DNAI4: variants seen among roughly 807,000 people sequenced by gnomAD.
DNAI4 encodes WD repeat domain 78.
In DNAI4, 85 loss-of-function variants were observed where a neutral mutation model predicts 105.8. That is an observed-to-expected ratio of 0.80 (90% confidence interval 0.67 to 0.96). The LOEUF is 0.96. Ranked by LOEUF, DNAI4 falls within the 40% of genes least tolerant of loss-of-function variation. The pLI is 0.00. For missense variants in DNAI4, 1,014 were observed against 1,005.6 expected, an observed-to-expected ratio of 1.01 and a Z score of -0.11; for synonymous variants, 352 against 331.5, an observed-to-expected ratio of 1.06 and a Z score of -0.67.
chr1:66,887,428 C>A (rs1647249438), intron 4 of DNAI4, among the ~76,000 whole-genome samples: 1 of 152,098 alleles, frequency 6.6e-6, no homozygotes, highest in Non-Finnish European at 1.5e-5. Context: ...CATGTAAGAA[C>A]AGAAACTGGA....
At chr1:66,834,258 T>C in intron 11 of DNAI4, 110 bp from the exon 12 acceptor site, 1 of 773,258 alleles carries the variant, frequency 1.3e-6, no homozygotes, top group Non-Finnish European at 1.9e-6. Context: ...CCTATTTATA[T>C]AATCCTTTTA....
chr1:66,891,417 G>T, intron 3 of DNAI4, 151 bp from the exon 4 acceptor site: 11 of 550,256 alleles, frequency 2.0e-5, no homozygotes, highest in Admixed American at 7.2e-5. Context: ...ATAATGAGTT[G>T]GTTTTTAATA....
intron 7 of DNAI4, among the ~76,000 whole-genome samples, chr1:66,851,695 A>G (rs1459754844): frequency 6.6e-6 from 1 of 152,128 alleles, no homozygotes; most frequent in South Asian, 2.1e-4. Context: ...TCTGTGTCAA[A>G]GAGGAAGTCT....
chr1:66,846,531 G>GACT (rs1646279143), intron 8 of DNAI4, among the ~76,000 whole-genome samples: 2 of 152,116 alleles, frequency 1.3e-5, no homozygotes, highest in Non-Finnish European at 1.5e-5. Context: ...TTCTATTTGA[G>GACT]GATTACCAGA....
chr1:66,869,618 G>T (rs1194691333), intron 6 of DNAI4, among the ~76,000 whole-genome samples: 1 of 151,938 alleles, frequency 6.6e-6, no homozygotes, highest in African/African-American at 2.4e-5. Context: ...CACTTTTCTG[G>T]GTCCATCCAA....
intron 10 of DNAI4, among the ~76,000 whole-genome samples, chr1:66,836,983 T>A (rs1646038949): frequency 6.6e-6 from 1 of 152,224 alleles, no homozygotes; most frequent in Admixed American, 6.5e-5. Flanking sequence ...AGTAAGAAGG[T>A]CAGATAAATC....
At chr1:66,904,266 G>T (rs1649070371) in intron 2 of DNAI4, among the ~76,000 whole-genome samples, 1 of 151,966 alleles carries the variant, frequency 6.6e-6, no homozygotes, top group African/African-American at 2.4e-5. Context: ...TGATATAGTA[G>T]GTATATTTTA....
intron 1 of DNAI4, among the ~76,000 whole-genome samples, chr1:66,913,783 C>T (rs1426760203): frequency 6.6e-6 from 1 of 151,950 alleles, no homozygotes; most frequent in Non-Finnish European, 1.5e-5. Context: ...GAAATCGAGA[C>T]CATCCTGGCT....
intron 7 of DNAI4, among the ~76,000 whole-genome samples, chr1:66,854,387 T>A (rs1416415271): frequency 1.3e-5 from 2 of 151,830 alleles, no homozygotes; most frequent in Non-Finnish European, 2.9e-5. Flanking sequence ...CAAGACCCTA[T>A]CTCAAAACAA....
At chr1:66,862,508 T>C (rs1646649633) in intron 6 of DNAI4, among the ~76,000 whole-genome samples, 1 of 152,104 alleles carries the variant, frequency 6.6e-6, no homozygotes, top group Non-Finnish European at 1.5e-5. Context: ...TGATGACACC[T>C]GAGAATAAAT....
chr1:66,830,329 A>T (rs1645839548), intron 13 of DNAI4, among the ~76,000 whole-genome samples: 1 of 152,156 alleles, frequency 6.6e-6, no homozygotes, highest in Non-Finnish European at 1.5e-5. Context: ...AAAAAAGAGA[A>T]GACACAAATT....
chr1:66,923,963 G>C (rs1048278658), intron 1 of DNAI4, among the ~76,000 whole-genome samples: 4 of 152,122 alleles, frequency 2.6e-5, no homozygotes, highest in Non-Finnish European at 1.5e-5. Flanking sequence ...AAAGTAAGAT[G>C]GTATTGACGA....
At chr1:66,857,055 G>A (rs569102) in intron 7 of DNAI4, among the ~76,000 whole-genome samples, 151,056 of 152,150 alleles carry the variant, frequency 0.99, 74,997 homozygotes, top group Middle Eastern at 1. Context: ...GAAAATATCA[G>A]TGAAATTCAT....
intron 2 of DNAI4, among the ~76,000 whole-genome samples, chr1:66,902,745 T>A (rs76629700): frequency 0.028 from 4,341 of 152,338 alleles, 81 homozygotes; most frequent in Non-Finnish European, 0.042. Context: ...GGATCCAACT[T>A]CATTCTTTTC....
At chr1:66,841,157 C>T (rs188372187) in intron 8 of DNAI4, among the ~76,000 whole-genome samples, 111 of 152,310 alleles carry the variant, frequency 7.3e-4, no homozygotes, top group African/African-American at 2.5e-3. Flanking sequence ...AGCCTACTTC[C>T]TGTTTACTAA....
intron 16 of DNAI4, among the ~76,000 whole-genome samples, chr1:66,818,374 A>G (rs1020791002): frequency 4.6e-5 from 7 of 152,052 alleles, no homozygotes; most frequent in African/African-American, 1.7e-4. Flanking sequence ...AAAGTCCAAT[A>G]TATTAAATTT....
At chr1:66,893,116 A>AGAAAGAAAGAAAGAAG in intron 3 of DNAI4, 113 bp downstream of exon 3, 1 of 518,012 alleles carries the variant, frequency 1.9e-6, no homozygotes, top group Non-Finnish European at 3.2e-6. Flanking sequence ...AAAGAAAGAA[A>AGAAAGAAAGAAAGAAG]GAAAGAAACT....
chr1:66,836,542 A>C (rs537129216), intron 10 of DNAI4, among the ~76,000 whole-genome samples: 1 of 152,334 alleles, frequency 6.6e-6, no homozygotes, highest in African/African-American at 2.4e-5. Context: ...AAAAAGTTCC[A>C]AAACTCCCCA....
chr1:66,838,161 T>C (rs111849835), intron 9 of DNAI4, among the ~76,000 whole-genome samples: 16 of 152,348 alleles, frequency 1.1e-4, no homozygotes, highest in African/African-American at 3.6e-4. Flanking sequence ...ACACTTAAGT[T>C]AAAGGTAGCT....
Sources: allele counts gnomAD v4.1 joint callset (sites outside exome capture counted in the v4.1 genomes callset), GRCh38; gene constraint gnomAD v4.1.1; transcripts MANE v1.5; gene names NCBI Gene and HGNC (gene_info 2026-07-23, HGNC 2026-07-21).